The following ICE2 variants were observed in gnomAD, a reference collection of about 807,000 sequenced individuals.
ICE2 encodes interactor of little elongation complex ELL subunit 2.
Under a neutral mutation model 105.4 loss-of-function variants are expected in ICE2, and 87 were observed. The ratio of observed to expected loss-of-function variants is 0.83; its 90% CI spans 0.69 to 0.99. ICE2 has a LOEUF of 0.99. ICE2 is among the 50% of genes least tolerant of loss of function. The probability of loss-of-function intolerance (pLI) is 0.00; values close to 1 mark genes in which losing one functional copy is unlikely to be tolerated. For missense variants in ICE2, 1,323 were observed against 1,146.7 expected, an observed-to-expected ratio of 1.15 and a Z score of -2.22; for synonymous variants, 399 against 392.0, an observed-to-expected ratio of 1.02 and a Z score of -0.21.
chr15:60,445,836 T>C (rs915667748), intron 11 of ICE2: 2 of 939,760 alleles, frequency 2.1e-6, no homozygotes, highest in African/African-American at 1.8e-5. Flanking sequence ...GAGTAGGAAG[T>C]TAAAGAAATG....
rs757641168 is a variant in ICE2, at chr15:60,428,699, C to T, written c.2562-12G>A. On this transcript the variant is annotated splice_polypyrimidine_tract_variant and intron_variant, in intron 14 of 15. Coordinates refer to ENST00000261520, the MANE Select transcript of ICE2 (RefSeq NM_024611.6). Reference sequence around the variant, plus strand: ...AACCCTCCTGCAAGCTAAATTCACACAATGAAACTCAACCCACTGGCTCAC... The same window carrying T: ...AACCCTCCTGCAAGCTAAATTCACATAATGAAACTCAACCCACTGGCTCAC... The T allele has an allele frequency of 1.2e-6, 2 of 1,609,810 alleles. No homozygotes were observed. Among genetic ancestry groups the T allele is most frequent in the African/African-American group, 2.7e-5 (2 of 74,798 alleles).
rs28668098 is a variant in ICE2, at chr15:60,467,997, T to A, written c.408+64A>T. The A allele has an allele frequency of 1.0e-3, 1,409 of 1,386,410 alleles. 8 individuals carry two copies. In the African/African-American group the frequency reaches 0.013, roughly 13 times the overall value. 85.9% of individuals were successfully genotyped at this position (1,386,410 alleles called of 1,614,324 possible). ...GGGACCTAAAAACATAAATGTAAAT[T>A]TAAGATAAAAATATTTCCTAATTTT... On this transcript the variant is annotated intron_variant, in intron 4 of 15. Transcript: ENST00000261520.
chr15:60,446,540 C>T (rs2063826540), intron 11 of ICE2, among the ~76,000 whole-genome samples: 1 of 152,106 alleles, frequency 6.6e-6, no homozygotes. Flanking sequence ...GGACTACAGG[C>T]GCCTGCCACC....
Position 60,436,257 on chromosome 15 carries a change from G to A in ICE2, c.2426-30C>T, listed in dbSNP as rs559151153. The A allele has an allele frequency of 2.6e-5, 22 of 853,746 alleles. No individual in the cohort carries two copies. In the South Asian group the frequency reaches 4.1e-4, roughly 16 times the overall value. 52.9% of individuals were successfully genotyped at this position (853,746 alleles called of 1,614,324 possible). The stretch of plus-strand genomic sequence containing the variant: ...AATAAAATATCAAACTTAGAAAGAA[G>A]AAGCAATTGCAGTATTTAGAAAAAA... On this transcript the variant is annotated intron_variant, in intron 12 of 15. Transcript: ENST00000261520.
intron 10 of ICE2, 37 bp downstream of exon 10, chr15:60,448,811 G>A (rs1224443908): frequency 6.6e-7 from 1 of 1,522,962 alleles, no homozygotes. Context: ...AAAAGAACAA[G>A]TAAAACACTG....
At position 60,474,374 on chromosome 15, in the gene ICE2, A is replaced by G. The variant is rs182270523; in HGVS notation, c.146+1689T>C. ...GACAGTTTATCCTACTTATACAAAC[A>G]CATGTAAAAAGGCTGCTCACTGTTT... is the stretch of plus-strand genomic sequence containing the variant. On this transcript the variant is annotated intron_variant, in intron 3 of 15. Coordinates refer to ENST00000261520, the MANE Select transcript of ICE2 (RefSeq NM_024611.6). Among the ~76,000 whole-genome samples the G allele has an allele frequency of 4.6e-5, 7 of 152,280 alleles. No individual in the cohort carries two copies. In the East Asian group the frequency reaches 1.3e-3, roughly 29 times the overall value.
At chr15:60,470,772 T>A (rs1266137761) in intron 3 of ICE2, among the ~76,000 whole-genome samples, 2 of 152,216 alleles carry the variant, frequency 1.3e-5, no homozygotes, top group Non-Finnish European at 2.9e-5. Flanking sequence ...TGCAGTAGTC[T>A]ATGAGTTTAA....
chr15:60,461,961 G>C, intron 5 of ICE2, among the ~76,000 whole-genome samples: 1 of 152,128 alleles, frequency 6.6e-6, no homozygotes, highest in South Asian at 2.1e-4. Context: ...GGCTTACAAA[G>C]GATAATAATC....
At chr15:60,444,343 G>A (rs1201897674) in intron 11 of ICE2, among the ~76,000 whole-genome samples, 1 of 152,004 alleles carries the variant, frequency 6.6e-6, no homozygotes, top group African/African-American at 2.4e-5. Flanking sequence ...TTTAATTTCT[G>A]TATGTATTCT....
rs1167334536 is a variant in ICE2 at position 60,455,308 on chromosome 15, T to A, written c.783+18A>T. On this transcript the variant is annotated intron_variant, in intron 7 of 15. Transcript: ENST00000261520. ...TAAAAGATTATTTAGGAAGATCCAA[T>A]GTTGCCTTGGTACTTACATAATGCA... The A allele has an allele frequency of 1.9e-6, 3 of 1,573,398 alleles. No homozygotes were observed. The African/African-American group carries it at 4.1e-5, about 21-fold the overall frequency.
intron 12 of ICE2, chr15:60,440,750 A>G (rs1190888617): frequency 6.6e-6 from 1 of 152,194 alleles, no homozygotes; most frequent in Admixed American, 6.5e-5. Context: ...TAAAAACTCA[A>G]AAACTCAGAT....
At chr15:60,452,264 A>C in intron 9 of ICE2, 1 of 909,438 alleles carries the variant, frequency 1.1e-6, no homozygotes, top group Non-Finnish European at 1.3e-6. Flanking sequence ...TAAAAACCAA[A>C]AGGCCAATAT....
rs746759065 is a variant in ICE2, at chr15:60,448,944, T to C, written c.2023A>G (p.Lys675Glu). 1.9e-6 allele frequency: 3 copies of C among 1,614,096 alleles called. No individual in the cohort carries two copies. The highest frequency in any genetic ancestry group is 1.7e-6 in the Non-Finnish European group (2 of 1,179,940). The change falls in exon 10 of 16, where the codon AAA (lysine) becomes GAA (glutamate). Residue 675 changes from lysine (K) to glutamate (E), a missense_variant. Lys to Glu is a moderately conservative substitution (Grantham distance 56). Coordinates refer to ENST00000261520, the MANE Select transcript of ICE2 (RefSeq NM_024611.6). ...ELPLMNLENS[K>E]QPSVSEQLSG... is the part of the protein sequence containing the mutation. ...AATTGCTCAGAAACAGAAGGCTGTT[T>C]AGAATTTTCTAAATTCATTAAGGGC...
Position 60,431,917 on chromosome 15 carries a change from G to A in ICE2, c.2561+17C>T, listed in dbSNP as rs747128834. ...AAAATCAGATGTATCAAAGCAAAATGCCTAAAAAATACTTACCTACTTAGT... is the reference window on the plus strand; with the variant it reads ...AAAATCAGATGTATCAAAGCAAAATACCTAAAAAATACTTACCTACTTAGT... On this transcript the variant is annotated intron_variant, in intron 14 of 15. Transcript: ENST00000261520. 3 of 1,287,274 alleles carry A rather than the reference G, an allele frequency of 2.3e-6. No homozygotes were observed. The South Asian group carries it at 3.9e-5, about 17-fold the overall frequency. 79.7% of individuals were successfully genotyped at this position (1,287,274 alleles called of 1,614,324 possible). A position where few individuals can be genotyped will look rare whatever the true frequency, so the allele number is the denominator to read the frequency against.
chr15:60,435,622 T>C (rs1186703697), intron 13 of ICE2, among the ~76,000 whole-genome samples: 1 of 145,230 alleles, frequency 6.9e-6, no homozygotes, highest in Non-Finnish European at 1.5e-5. Context: ...AAAAATCACA[T>C]GTACCCCAAA....
intron 2 of ICE2, among the ~76,000 whole-genome samples, chr15:60,477,340 T>C (rs1430553640): frequency 6.6e-6 from 1 of 152,220 alleles, no homozygotes; most frequent in Non-Finnish European, 1.5e-5. Flanking sequence ...ACTGACTTAA[T>C]AGTCTGAGTC....
At chr15:60,477,369 C>T (rs1000751489) in intron 2 of ICE2, among the ~76,000 whole-genome samples, 11 of 152,170 alleles carry the variant, frequency 7.2e-5, no homozygotes, top group Non-Finnish European at 4.4e-5. Flanking sequence ...TTTTAATACT[C>T]TTTGTAACCA....
intron 7 of ICE2, 36 bp from the exon 8 acceptor site, chr15:60,455,198 C>T (rs753676155): frequency 1.9e-6 from 3 of 1,547,202 alleles, no homozygotes; most frequent in South Asian, 2.5e-5. Flanking sequence ...CTTGGTTATA[C>T]TTATTGAAAA....
chr15:60,451,727 G>A (rs146680218), intron 9 of ICE2: 5 of 530,922 alleles, frequency 9.4e-6, no homozygotes, highest in African/African-American at 2.1e-5. Flanking sequence ...CTCCTGAGGT[G>A]CAGCCCCTTT....
Sources: allele counts gnomAD v4.1 joint callset (sites outside exome capture counted in the v4.1 genomes callset), GRCh38; gene constraint gnomAD v4.1.1; transcripts MANE v1.5; gene names NCBI Gene and HGNC (gene_info 2026-07-23, HGNC 2026-07-21).